RHOA: variants seen among roughly 807,000 people sequenced by gnomAD.
The protein encoded by RHOA is transforming protein RhoA.
Under a neutral mutation model 17.5 loss-of-function variants are expected in RHOA, and 3 were observed. The ratio of observed to expected loss-of-function variants is 0.17; its 90% CI spans 0.08 to 0.44. The LOEUF is 0.44. RHOA is among the 20% of genes least tolerant of loss of function. RHOA has a pLI of 0.99. For synonymous variants in RHOA, 98 were observed against 88.4 expected, an observed-to-expected ratio of 1.11 and a Z score of -0.61; for missense variants, 56 against 242.3, an observed-to-expected ratio of 0.23 and a Z score of 5.10.
intron 2 of RHOA, among the ~76,000 whole-genome samples, chr3:49,372,089 T>C (rs1352395593): frequency 6.6e-6 from 1 of 152,220 alleles, no homozygotes; most frequent in Non-Finnish European, 1.5e-5. Flanking sequence ...CCCAAGCCAA[T>C]GGATCTTTCT....
chr3:49,368,687 A>AT, intron 2 of RHOA, 139 bp from the exon 3 acceptor site: 1 of 699,724 alleles, frequency 1.4e-6, no homozygotes, highest in South Asian at 2.1e-5. Flanking sequence ...ACACAGGAGT[A>AT]TTTACATTTT....
At chr3:49,388,322 G>T (rs1299929986) in intron 1 of RHOA, among the ~76,000 whole-genome samples, 1 of 152,094 alleles carries the variant, frequency 6.6e-6, no homozygotes, top group Non-Finnish European at 1.5e-5. Context: ...ATTATAATAG[G>T]TGGAGCCATG....
intron 1 of RHOA, among the ~76,000 whole-genome samples, chr3:49,385,553 T>C (rs947614948): frequency 1.2e-4 from 18 of 152,210 alleles, no homozygotes; most frequent in South Asian, 4.1e-4. Context: ...TTTTTTTTAT[T>C]TTTTTGATGA....
At chr3:49,404,458 A>ACACACACACACACACACACACACAC (rs10527314) in intron 1 of RHOA, among the ~76,000 whole-genome samples, 102 of 146,672 alleles carry the variant, frequency 7.0e-4, no homozygotes, top group East Asian at 2.3e-3. Context: ...ACACACACAC[A>ACACACACACACACACACACACACAC]AAATTAGCCG....
At chr3:49,396,262 G>A (rs532818091) in intron 1 of RHOA, among the ~76,000 whole-genome samples, 1 of 152,220 alleles carries the variant, frequency 6.6e-6, no homozygotes, top group Admixed American at 6.6e-5. Flanking sequence ...GATATGTGGT[G>A]GAAAATGTTC....
chr3:49,380,693 A>G (rs2048301887), intron 1 of RHOA, among the ~76,000 whole-genome samples: 2 of 145,456 alleles, frequency 1.4e-5, no homozygotes, highest in Admixed American at 1.4e-4. Flanking sequence ...TAATAATAAT[A>G]ATAATAATAA....
intron 1 of RHOA, among the ~76,000 whole-genome samples, chr3:49,385,991 G>A (rs2048389448): frequency 6.6e-6 from 1 of 152,142 alleles, no homozygotes; most frequent in South Asian, 2.1e-4. Context: ...TTTGCAGTAA[G>A]TTTTAAAATC....
intron 1 of RHOA, among the ~76,000 whole-genome samples, chr3:49,378,102 T>C (rs889597266): frequency 1.5e-4 from 22 of 146,232 alleles, no homozygotes; most frequent in Non-Finnish European, 1.8e-4. Context: ...TGAGCCCAGA[T>C]TGTACCACTG....
chr3:49,395,722 A>G (rs992203858), intron 1 of RHOA, among the ~76,000 whole-genome samples: 4 of 152,000 alleles, frequency 2.6e-5, no homozygotes, highest in African/African-American at 9.7e-5. Context: ...CCAAAAAAAA[A>G]GAAGAGGAAG....
intron 1 of RHOA, among the ~76,000 whole-genome samples, chr3:49,381,725 C>T (rs1399603207): frequency 6.6e-6 from 1 of 151,572 alleles, no homozygotes; most frequent in Non-Finnish European, 1.5e-5. Flanking sequence ...ATTAGCCGGG[C>T]ATGGTGGTCC....
chr3:49,382,781 G>A (rs72922915), intron 1 of RHOA, among the ~76,000 whole-genome samples: 2 of 152,130 alleles, frequency 1.3e-5, no homozygotes, highest in African/African-American at 2.4e-5. Context: ...TGCTTTGGCC[G>A]AGTGTGCTGG....
At chr3:49,409,678 G>A (rs527675021) in intron 1 of RHOA, among the ~76,000 whole-genome samples, 3 of 152,234 alleles carry the variant, frequency 2.0e-5, no homozygotes, top group South Asian at 4.1e-4. Context: ...CACCTGAAGA[G>A]CTACCTGTTT....
chr3:49,408,107 C>T (rs549150313), intron 1 of RHOA, among the ~76,000 whole-genome samples: 36 of 151,528 alleles, frequency 2.4e-4, no homozygotes, highest in South Asian at 8.3e-4. Flanking sequence ...TGCAGTGAGC[C>T]GAGATGGCGC....
At chr3:49,388,507 T>C (rs1487018320) in intron 1 of RHOA, among the ~76,000 whole-genome samples, 2 of 152,222 alleles carry the variant, frequency 1.3e-5, no homozygotes, top group Non-Finnish European at 2.9e-5. Flanking sequence ...GGGAGTGGTG[T>C]GTCCATCATA....
At chr3:49,386,343 G>C (rs2048394373) in intron 1 of RHOA, among the ~76,000 whole-genome samples, 2 of 152,098 alleles carry the variant, frequency 1.3e-5, no homozygotes, top group African/African-American at 4.8e-5. Context: ...CCACTACTTT[G>C]TAGAAGAGGA....
At chr3:49,396,913 T>C (rs2048625213) in intron 1 of RHOA, among the ~76,000 whole-genome samples, 1 of 152,084 alleles carries the variant, frequency 6.6e-6, no homozygotes, top group South Asian at 2.1e-4. Context: ...GAGGATCACT[T>C]GAGCCCAGGA....
At chr3:49,411,629 G>A (rs1382008389) in intron 1 of RHOA, among the ~76,000 whole-genome samples, 191 bp downstream of exon 1, 3 of 151,898 alleles carry the variant, frequency 2.0e-5, no homozygotes, top group African/African-American at 7.2e-5. Flanking sequence ...CGGGGACTGC[G>A]CGGGCGGGGT....
At chr3:49,370,674 A>G (rs2048134643) in intron 2 of RHOA, among the ~76,000 whole-genome samples, 1 of 152,156 alleles carries the variant, frequency 6.6e-6, no homozygotes, top group Non-Finnish European at 1.5e-5. Context: ...CTCCTGTGGT[A>G]GAAGGGTAAA....
chr3:49,405,198 C>T (rs929530684), intron 1 of RHOA, among the ~76,000 whole-genome samples: 2 of 143,242 alleles, frequency 1.4e-5, no homozygotes, highest in Admixed American at 1.5e-4. Flanking sequence ...GCGGAGGTTG[C>T]AGTGAGCCGA....
Sources: gnomAD v4.1 joint callset for allele counts (sites outside exome capture counted in the v4.1 genomes callset) on GRCh38, gnomAD v4.1.1 for gene constraint, MANE v1.5 for transcripts, NCBI Gene and HGNC (gene_info 2026-07-23, HGNC 2026-07-21) for gene names.